MPP7: variants seen among roughly 807,000 people sequenced by gnomAD.
The protein encoded by MPP7 is MAGUK p55 scaffold protein 7, also known as MAGUK p55 subfamily member 7.
Under a neutral mutation model 76.5 loss-of-function variants are expected in MPP7, and 60 were observed. The observed-to-expected ratio is 0.78, with a 90% confidence interval of 0.64 to 0.97. The LOEUF is 0.97. Ranked by LOEUF, MPP7 falls within the 50% of genes least tolerant of loss-of-function variation. MPP7 has a pLI of 0.00. For synonymous variants in MPP7, 237 were observed against 244.5 expected (o/e 0.97, Z 0.29); for missense variants, 641 against 694.0 (o/e 0.92, Z 0.86).
At chr10:28,267,050 C>A (rs1312720248) in intron 1 of MPP7, among the ~76,000 whole-genome samples, 1 of 152,150 alleles carries the variant, frequency 6.6e-6, no homozygotes, top group Non-Finnish European at 1.5e-5. Flanking sequence ...CTGCCATATG[C>A]GTTAGTTCGG....
At chr10:28,263,835 G>T (rs1008277932) in intron 1 of MPP7, among the ~76,000 whole-genome samples, 3 of 152,290 alleles carry the variant, frequency 2.0e-5, no homozygotes, top group Admixed American at 2.0e-4. Context: ...CAAGACACAG[G>T]AATAGTATCC....
intron 1 of MPP7, among the ~76,000 whole-genome samples, chr10:28,270,445 G>A (rs1242423550): frequency 6.7e-6 from 1 of 149,682 alleles, no homozygotes; most frequent in South Asian, 2.1e-4. Flanking sequence ...CAGTTTCTTG[G>A]CAGACAGAGG....
At chr10:28,057,288 T>C (rs10826390) in intron 15 of MPP7, among the ~76,000 whole-genome samples, 47,919 of 152,020 alleles carry the variant, frequency 0.32, 8,840 homozygotes, top group East Asian at 0.66. Context: ...AAATCTCATG[T>C]TGTAATGTAA....
intron 11 of MPP7, among the ~76,000 whole-genome samples, chr10:28,112,416 A>T (rs536849478): frequency 6.6e-6 from 1 of 152,318 alleles, no homozygotes; most frequent in South Asian, 2.1e-4. Context: ...ACCAACAAAA[A>T]ATTAAAACAC....
chr10:28,259,360 C>A (rs369905693), intron 1 of MPP7, among the ~76,000 whole-genome samples: 3 of 152,088 alleles, frequency 2.0e-5, no homozygotes, highest in East Asian at 1.9e-4. Flanking sequence ...CAGCGGATTG[C>A]TTGAGCTCAA....
At chr10:28,069,943 A>G in intron 12 of MPP7, 91 bp from the exon 13 acceptor site, 1 of 850,308 alleles carries the variant, frequency 1.2e-6, no homozygotes, top group Non-Finnish European at 1.9e-6. Flanking sequence ...CAGACTGAAA[A>G]CATGGATCCA....
rs188447344 is a variant in MPP7 at position 28,151,694 on chromosome 10, G to A, written c.157-1635C>T. Among the ~76,000 whole-genome samples the A allele has an allele frequency of 1.8e-3, 271 of 152,264 alleles. 1 individual carries two copies. Among genetic ancestry groups the A allele is most frequent in the Non-Finnish European group, 2.8e-3 (190 of 68,030 alleles). ...ACAAGAAAATAAAGAGGTAGACAGC[G>A]GGACCATCTCATTTTACAGATAAAT... On this transcript the variant is annotated intron_variant, in intron 3 of 16. Coordinates refer to ENST00000683449, the MANE Select transcript of MPP7 (RefSeq NM_001318170.2).
intron 13 of MPP7, among the ~76,000 whole-genome samples, chr10:28,062,642 A>T (rs770773350): frequency 1.3e-5 from 2 of 151,996 alleles, no homozygotes; most frequent in African/African-American, 2.4e-5. Flanking sequence ...GAATAATGGC[A>T]GACAAAACAA....
chr10:28,274,896 G>C (rs1170966137), intron 1 of MPP7, among the ~76,000 whole-genome samples: 1 of 151,946 alleles, frequency 6.6e-6, no homozygotes, highest in Non-Finnish European at 1.5e-5. Flanking sequence ...ATTTGCTTTA[G>C]TTCAATTTTA....
intron 2 of MPP7, among the ~76,000 whole-genome samples, chr10:28,323,665 C>T (rs924723976): frequency 2.0e-5 from 3 of 151,294 alleles, no homozygotes; most frequent in African/African-American, 7.3e-5. Context: ...GGCAACATAA[C>T]AAGGCCCTGT....
intron 1 of MPP7, among the ~76,000 whole-genome samples, chr10:28,267,306 T>C (rs933353375): frequency 2.0e-5 from 3 of 152,184 alleles, no homozygotes; most frequent in Non-Finnish European, 4.4e-5. Flanking sequence ...TAACAAATAT[T>C]AGAATATTTA....
chr10:28,063,497 C>T (rs1851875974), intron 13 of MPP7, among the ~76,000 whole-genome samples: 1 of 151,746 alleles, frequency 6.6e-6, no homozygotes, highest in Non-Finnish European at 1.5e-5. Context: ...TTTGAACACG[C>T]ACTTTACCAA....
At chr10:28,247,269 T>C (rs898112128) in intron 1 of MPP7, among the ~76,000 whole-genome samples, 1 of 152,188 alleles carries the variant, frequency 6.6e-6, no homozygotes, top group Non-Finnish European at 1.5e-5. Context: ...GTAAATTGTC[T>C]AGTTTTGTCA....
intron 1 of MPP7, among the ~76,000 whole-genome samples, chr10:28,264,686 A>C (rs1437580827): frequency 6.6e-6 from 1 of 152,116 alleles, no homozygotes; most frequent in Non-Finnish European, 1.5e-5. Context: ...GCTTGAGCAA[A>C]CATATGGAAG....
chr10:28,154,005 G>C (rs561724345), intron 3 of MPP7, among the ~76,000 whole-genome samples: 13 of 152,046 alleles, frequency 8.6e-5, no homozygotes, highest in Non-Finnish European at 1.0e-4. Context: ...AGAAGATTCT[G>C]GGTACTAAAA....
chr10:28,236,926 T>C (rs951053208), intron 2 of MPP7: 9 of 152,318 alleles, frequency 5.9e-5, no homozygotes, highest in Non-Finnish European at 1.2e-4. Flanking sequence ...TTGTCTTCTG[T>C]GCTTTGCTCA....
chr10:28,084,699 T>C (rs1852921156), intron 12 of MPP7, among the ~76,000 whole-genome samples: 1 of 152,160 alleles, frequency 6.6e-6, no homozygotes, highest in African/African-American at 2.4e-5. Flanking sequence ...AGTAGACAGA[T>C]TATGAATATA....
At chr10:28,086,631 T>A (rs1219425391) in intron 12 of MPP7, among the ~76,000 whole-genome samples, 1 of 152,218 alleles carries the variant, frequency 6.6e-6, no homozygotes, top group East Asian at 1.9e-4. Flanking sequence ...GTAGCTGGAA[T>A]GATGCTGTGA....
rs1179900910 is a variant in MPP7 at position 28,149,985 on chromosome 10, A to G, written c.231T>C (p.Asp77=). The G allele has an allele frequency of 2.5e-6, 4 of 1,612,808 alleles. No individual in the cohort carries two copies. The highest frequency in any genetic ancestry group is 3.4e-6 in the Non-Finnish European group (4 of 1,179,648). The change falls in exon 4 of 17, where the codon GAT becomes GAC. Residue 77 remains aspartate, a synonymous_variant. Transcript: ENST00000683449. ...PILHGAAALA[D]DLAEELQNKP... ...GAGCTCGGAGAGTCACACTTACATC[A>G]TCGGCCAAGGCCGCCGCACCATGGA...
Sources: allele counts gnomAD v4.1 joint callset (sites outside exome capture counted in the v4.1 genomes callset), GRCh38; gene constraint gnomAD v4.1.1; transcripts MANE v1.5; gene names NCBI Gene and HGNC (gene_info 2026-07-23, HGNC 2026-07-21).